The following ANOS1 variants were observed in gnomAD, a reference collection of about 807,000 sequenced individuals.
ANOS1 encodes the protein anosmin 1, also known as anosmin-1.
A neutral mutation model predicts 59.0 loss-of-function variants in ANOS1; 6 were observed. The observed-to-expected ratio is 0.10, with a 90% CI of 0.06 to 0.20. ANOS1 has a LOEUF of 0.20. Ranked by LOEUF, ANOS1 falls within the 10% of genes least tolerant of loss-of-function variation. The pLI, the probability that ANOS1 is intolerant of heterozygous loss-of-function variation, is 1.00. For synonymous variants in ANOS1, 217 were observed against 223.4 expected (o/e 0.97, Z 0.25); for missense variants, 433 against 542.3 (o/e 0.80, Z 2.00).
At chrX:8,621,189 ACTC>A (rs1404606147) in intron 3 of ANOS1, among the ~76,000 whole-genome samples, 13 of 109,664 alleles carry the variant, frequency 1.2e-4, no homozygotes. Flanking sequence ...AACACGCAAA[ACTC>A]CTGTCTCTAC....
At chrX:8,559,803 C>T (rs998787159) in intron 8 of ANOS1, among the ~76,000 whole-genome samples, 1 of 111,265 alleles carries the variant, frequency 9.0e-6, no homozygotes, top group African/African-American at 3.3e-5. Flanking sequence ...TCAAAACACA[C>T]CACTCTTTTG....
chrX:8,666,033 C>T (rs145026717), intron 2 of ANOS1, among the ~76,000 whole-genome samples: 1 of 109,039 alleles, frequency 9.2e-6, no homozygotes, highest in Non-Finnish European at 1.9e-5. Context: ...AAGATCTTGT[C>T]TCTTCAAAGA....
intron 1 of ANOS1, among the ~76,000 whole-genome samples, chrX:8,720,589 G>A (rs1932868668): frequency 9.0e-6 from 1 of 111,368 alleles, no homozygotes; most frequent in Non-Finnish European, 1.9e-5. Flanking sequence ...TTAAATGTTT[G>A]TCCTTCTCTC....
Position 8,610,044 on chromosome X carries a change from T to C in ANOS1, c.319-12788A>G, listed in dbSNP as rs1295956031. 5.3e-5 allele frequency among the ~76,000 whole-genome samples: 4 copies of C among 75,050 alleles called. 1 individual carries two copies. Among genetic ancestry groups the C allele is most frequent in the Admixed American group, 1.6e-4 (1 of 6,239 alleles). 65.2% of individuals were successfully genotyped at this position (75,050 alleles called of 115,157 possible). The stretch of plus-strand genomic sequence containing the variant: ...AAAAAAAAAAAAAAAAACAACAACC[T>C]TTAAAGAGCACCCATTTTTCTTCAG... On this transcript the variant is annotated intron_variant, in intron 3 of 13. Transcript: ENST00000262648.
intron 4 of ANOS1, among the ~76,000 whole-genome samples, chrX:8,592,938 C>T (rs1204821945): frequency 9.0e-6 from 1 of 111,685 alleles, no homozygotes; most frequent in Non-Finnish European, 1.9e-5. Context: ...AGCCCAAAAT[C>T]ATATTTTCAA....
At chrX:8,674,016 C>T (rs775079435) in intron 2 of ANOS1, among the ~76,000 whole-genome samples, 19 of 111,673 alleles carry the variant, frequency 1.7e-4, no homozygotes, top group Non-Finnish European at 3.2e-4. Context: ...CAAACACTCA[C>T]TCTGTCATCA....
intron 2 of ANOS1, among the ~76,000 whole-genome samples, chrX:8,655,315 A>G (rs1232113213): frequency 1.8e-5 from 2 of 111,320 alleles, no homozygotes; most frequent in Admixed American, 1.9e-4. Context: ...TCACATGTGC[A>G]GTTCACAACA....
At chrX:8,718,981 C>T (rs926726363) in intron 1 of ANOS1, among the ~76,000 whole-genome samples, 9 of 112,058 alleles carry the variant, frequency 8.0e-5, no homozygotes, top group African/African-American at 2.6e-4. Flanking sequence ...ATTCTATTAT[C>T]ACTATTCGTT....
intron 9 of ANOS1, among the ~76,000 whole-genome samples, chrX:8,552,605 G>C (rs762195404): frequency 1.8e-5 from 2 of 111,937 alleles, no homozygotes; most frequent in East Asian, 5.6e-4. Flanking sequence ...TTCAAATACA[G>C]GCAAAACAAA....
intron 3 of ANOS1, among the ~76,000 whole-genome samples, chrX:8,619,484 G>A (rs11797846): frequency 0.021 from 2,366 of 110,179 alleles, 33 homozygotes; most frequent in Non-Finnish European, 0.036. Flanking sequence ...CATGCTTGTA[G>A]TCCCAGCTAC....
chrX:8,645,325 A>T (rs1310327883), intron 2 of ANOS1, among the ~76,000 whole-genome samples: 3 of 111,780 alleles, frequency 2.7e-5, no homozygotes, highest in African/African-American at 9.7e-5. Flanking sequence ...GGAACCAAAG[A>T]GCTTTCTGCA....
At chrX:8,566,323 GTATGTGTGTGTATA>G (rs1402749767) in intron 8 of ANOS1, 5 of 612,242 alleles carry the variant, frequency 8.2e-6, no homozygotes, top group Non-Finnish European at 9.7e-6. Flanking sequence ...TAGGAATAAT[GTATGTGTGTGTATA>G]TATGTGTGTG....
rs1055284640 is a variant in ANOS1, at chrX:8,627,284, A to G, written c.256-3614T>C. Among the ~76,000 whole-genome samples the G allele has an allele frequency of 3.2e-4, 36 of 112,788 alleles. 1 individual carries two copies. The highest frequency in any genetic ancestry group is 9.4e-5 in the Admixed American group (1 of 10,673). Reference sequence around the variant, plus strand: ...TGTACACAGTTGCATTTTCACAACTATAGATATCGGTGCACAAAAAGTCTC... The same window carrying G: ...TGTACACAGTTGCATTTTCACAACTGTAGATATCGGTGCACAAAAAGTCTC... On this transcript the variant is annotated intron_variant, in intron 2 of 13. Coordinates refer to ENST00000262648, the MANE Select transcript of ANOS1 (RefSeq NM_000216.4).
intron 3 of ANOS1, among the ~76,000 whole-genome samples, chrX:8,621,868 C>G (rs1325033799): frequency 9.0e-6 from 1 of 111,654 alleles, no homozygotes; most frequent in South Asian, 3.7e-4. Flanking sequence ...TGCCACATCT[C>G]TACCAAACTG....
chrX:8,535,915 A>G, intron 11 of ANOS1, 104 bp from the exon 12 acceptor site: 3 of 611,557 alleles, frequency 4.9e-6, no homozygotes, highest in Non-Finnish European at 8.3e-6. Flanking sequence ...GGATGATATT[A>G]ATAGAAGCAA....
At chrX:8,544,990 C>T (rs1178564519) in intron 9 of ANOS1, among the ~76,000 whole-genome samples, 1 of 98,196 alleles carries the variant, frequency 1.0e-5, no homozygotes, top group African/African-American at 3.8e-5. Flanking sequence ...CACTCAAACC[C>T]GGAAGGCAGA....
chrX:8,544,013 T>A (rs1457851152), intron 9 of ANOS1, among the ~76,000 whole-genome samples: 1 of 110,584 alleles, frequency 9.0e-6, no homozygotes, highest in Non-Finnish European at 1.9e-5. Context: ...ACCTGAAAAG[T>A]ATTTTTAAGT....
intron 11 of ANOS1, among the ~76,000 whole-genome samples, chrX:8,536,560 C>T (rs1466489912): frequency 9.0e-6 from 1 of 111,695 alleles, no homozygotes; most frequent in Non-Finnish European, 1.9e-5. Context: ...GATAACATTA[C>T]TATCAAAGGA....
intron 7 of ANOS1, 52 bp downstream of exon 7, chrX:8,570,447 A>G: frequency 9.3e-7 from 1 of 1,074,060 alleles, no homozygotes; most frequent in Non-Finnish European, 1.3e-6. Flanking sequence ...AGTTGCCTTG[A>G]GTTGAAATAC....
Sources: gnomAD v4.1 joint callset for allele counts (sites outside exome capture counted in the v4.1 genomes callset) on GRCh38, gnomAD v4.1.1 for gene constraint, MANE v1.5 for transcripts, NCBI Gene and HGNC (gene_info 2026-07-23, HGNC 2026-07-21) for gene names.